Variants in GABRA5 observed in about 807,000 individuals in gnomAD.
GABRA5 encodes the protein gamma-aminobutyric acid receptor subunit alpha-5.
Under a neutral mutation model 47.3 loss-of-function variants are expected in GABRA5, and 18 were observed. That is an observed-to-expected ratio of 0.38 (90% CI 0.26 to 0.56). GABRA5 has a LOEUF of 0.56. GABRA5 is among the 20% of genes least tolerant of loss of function. The pLI, the probability that GABRA5 is intolerant of heterozygous loss-of-function variation, is 0.71. For missense variants in GABRA5, 365 were observed against 599.3 expected (o/e 0.61, Z 4.08); for synonymous variants, 237 against 229.3 (o/e 1.03, Z -0.30).
intron 7 of GABRA5, among the ~76,000 whole-genome samples, chr15:26,928,218 G>T (rs1313112779): frequency 6.6e-6 from 1 of 152,120 alleles, no homozygotes; most frequent in East Asian, 1.9e-4. Context: ...GAATTTCACC[G>T]GAGTGAGCTA....
chr15:26,895,826 A>AAAGAAG (rs1220412711), intron 6 of GABRA5, among the ~76,000 whole-genome samples: 58 of 135,952 alleles, frequency 4.3e-4, no homozygotes, highest in Middle Eastern at 3.6e-3. Flanking sequence ...AAAAAAAAAA[A>AAAGAAG]AAGAAGAAGA....
At chr15:26,888,907 C>T (rs1892941114) in intron 6 of GABRA5, among the ~76,000 whole-genome samples, 1 of 152,182 alleles carries the variant, frequency 6.6e-6, no homozygotes, top group South Asian at 2.1e-4. Context: ...AGGAGGGAGT[C>T]CCTAGAAGGC....
At chr15:26,930,555 C>T (rs990189176) in intron 7 of GABRA5, among the ~76,000 whole-genome samples, 3 of 152,148 alleles carry the variant, frequency 2.0e-5, no homozygotes, top group African/African-American at 7.2e-5. Context: ...ATAACATGTT[C>T]CTCATTTTTT....
chr15:26,908,831 A>AAAG (rs1893510394), intron 6 of GABRA5, among the ~76,000 whole-genome samples: 1 of 152,184 alleles, frequency 6.6e-6, no homozygotes, highest in Admixed American at 6.5e-5. Flanking sequence ...TTTCATTATC[A>AAAG]AAGTCTGAAT....
chr15:26,898,725 G>A (rs937442668), intron 6 of GABRA5, among the ~76,000 whole-genome samples: 4 of 132,332 alleles, frequency 3.0e-5, no homozygotes, highest in African/African-American at 6.2e-5. Flanking sequence ...TGGGCTTAGC[G>A]TGCTCTTTTT....
intron 6 of GABRA5, among the ~76,000 whole-genome samples, chr15:26,904,766 G>C (rs966754083): frequency 1.3e-5 from 2 of 151,952 alleles, no homozygotes; most frequent in African/African-American, 4.8e-5. Context: ...CTCTTGGCTT[G>C]GCTGTTCCTG....
chr15:26,922,115 G>A (rs1823917720), intron 7 of GABRA5, among the ~76,000 whole-genome samples: 1 of 152,060 alleles, frequency 6.6e-6, no homozygotes, highest in South Asian at 2.1e-4. Context: ...TGATTATGAT[G>A]GTGCTGACTT....
chr15:26,942,849 C>T (rs760972108), intron 9 of GABRA5, among the ~76,000 whole-genome samples: 4 of 152,140 alleles, frequency 2.6e-5, no homozygotes, highest in Admixed American at 6.5e-5. Context: ...CTTGGGAGGC[C>T]GAGGTGGGTG....
intron 7 of GABRA5, among the ~76,000 whole-genome samples, chr15:26,915,302 A>G (rs1893694099): frequency 6.6e-6 from 1 of 152,224 alleles, no homozygotes; most frequent in Admixed American, 6.5e-5. Flanking sequence ...CACTTCTTCT[A>G]GAATGTTCCA....
intron 4 of GABRA5, among the ~76,000 whole-genome samples, chr15:26,882,670 G>A (rs1323684063): frequency 1.3e-5 from 2 of 152,172 alleles, no homozygotes; most frequent in Admixed American, 6.5e-5. Context: ...GTCTCAGGGC[G>A]CACTGGGCAC....
chr15:26,947,925 A>G lies in GABRA5; in HGVS notation c.1090-9A>G, dbSNP rs1271061635. ...TGGCGTGTCCTTACATTCGTATTAT[A>G]TTTTGCAGAAAAAGCGTGAAGTCAT... On this transcript the variant is annotated splice_polypyrimidine_tract_variant and intron_variant, in intron 10 of 10. Transcript: ENST00000335625. The G allele has an allele frequency of 1.3e-6, 2 of 1,562,052 alleles. No individual in the cohort carries two copies. Among genetic ancestry groups the G allele is most frequent in the Admixed American group, 3.9e-5 (2 of 51,930 alleles).
chr15:26,887,610 C>T (rs1892910031), intron 6 of GABRA5, among the ~76,000 whole-genome samples: 1 of 152,122 alleles, frequency 6.6e-6, no homozygotes, highest in South Asian at 2.1e-4. Context: ...CATCGGCCTC[C>T]CAAAGTGCTG....
intron 7 of GABRA5, among the ~76,000 whole-genome samples, chr15:26,925,720 T>C (rs1364741274): frequency 1.3e-5 from 2 of 152,208 alleles, no homozygotes; most frequent in African/African-American, 4.8e-5. Flanking sequence ...AATTTTGAAT[T>C]GTCTCCTGGA....
At chr15:26,942,255 A>G (rs1336412119) in intron 9 of GABRA5, among the ~76,000 whole-genome samples, 1 of 152,238 alleles carries the variant, frequency 6.6e-6, no homozygotes, top group Non-Finnish European at 1.5e-5. Context: ...CAGTGGACCC[A>G]GTAGCTGGTG....
chr15:26,893,902 G>A (rs1893106142), intron 6 of GABRA5, among the ~76,000 whole-genome samples: 1 of 152,150 alleles, frequency 6.6e-6, no homozygotes, highest in African/African-American at 2.4e-5. Flanking sequence ...GGCGGCGGCA[G>A]CCGGTCAAGG....
At chr15:26,868,360 A>G (rs926529012) in intron 1 of GABRA5, among the ~76,000 whole-genome samples, 5 of 147,570 alleles carry the variant, frequency 3.4e-5, no homozygotes, top group Admixed American at 6.7e-5. Context: ...GTGTCTCCCA[A>G]TTCCGGAGTT....
intron 6 of GABRA5, among the ~76,000 whole-genome samples, chr15:26,907,529 A>G (rs1053244157): frequency 1.3e-5 from 2 of 152,190 alleles, no homozygotes; most frequent in Admixed American, 6.5e-5. Context: ...AAAGATCCTT[A>G]GGAGGTTGGC....
chr15:26,918,095 A>G (rs1893758954), intron 7 of GABRA5, among the ~76,000 whole-genome samples: 2 of 151,538 alleles, frequency 1.3e-5, no homozygotes, highest in African/African-American at 2.4e-5. Context: ...CTACATTTAG[A>G]CTAGTTTGTG....
intron 3 of GABRA5, among the ~76,000 whole-genome samples, chr15:26,870,885 T>C (rs1439183194): frequency 1.3e-5 from 2 of 152,252 alleles, no homozygotes. Flanking sequence ...TGGAAACTTA[T>C]ATTTTCTTTA....
Sources: allele counts gnomAD v4.1 joint callset (sites outside exome capture counted in the v4.1 genomes callset), GRCh38; gene constraint gnomAD v4.1.1; transcripts MANE v1.5; gene names NCBI Gene and HGNC (gene_info 2026-07-23, HGNC 2026-07-21).